Variants in PLEC observed in about 807,000 individuals in gnomAD.
The protein encoded by PLEC is plectin, also known as hemidesmosomal protein 1.
PLEC carries 216 observed loss-of-function variants against 392.8 expected under a neutral mutation model. The ratio of observed to expected loss-of-function variants is 0.55; its 90% CI spans 0.49 to 0.62. PLEC has a LOEUF of 0.62. Among genes scored for constraint, PLEC ranks in the 20% least tolerant of loss-of-function variants. PLEC has a pLI of 0.00. For missense variants in PLEC, 6,863 were observed against 6,563.4 expected, an observed-to-expected ratio of 1.05 and a Z score of -1.58; for synonymous variants, 3,621 against 2,980.6, an observed-to-expected ratio of 1.21 and a Z score of -7.00.
At chr8:143,935,402 T>C in intron 6 of PLEC, 89 bp from the exon 7 acceptor site, 1 of 871,134 alleles carries the variant, frequency 1.1e-6, no homozygotes, top group Non-Finnish European at 1.9e-6. Context: ...TCCTCACACA[T>C]CCCAGCAACC....
chr8:143,946,321 C>T, intron 1 of PLEC: 1 of 1,286,640 alleles, frequency 7.8e-7, no homozygotes, highest in Non-Finnish European at 1.0e-6. Context: ...TCCTCTGCCT[C>T]CCACAGCCCC....
At chr8:143,956,900 A>T (rs1355332724), upstream of PLEC, among the ~76,000 whole-genome samples, 1 of 152,242 alleles carries the variant, frequency 6.6e-6, no homozygotes. Flanking sequence ...CACGTCAGTC[A>T]GCTCTGTGGT....
upstream of PLEC, among the ~76,000 whole-genome samples, chr8:143,955,811 G>C (rs1832557148): frequency 6.6e-6 from 1 of 151,766 alleles, no homozygotes; most frequent in African/African-American, 2.4e-5. Context: ...TGTTGCCCAG[G>C]CTGGTCTCAA....
upstream of PLEC, chr8:143,950,980 G>C: frequency 1.7e-6 from 1 of 595,416 alleles, no homozygotes; most frequent in Non-Finnish European, 2.8e-6. Flanking sequence ...TGACTCAGCA[G>C]CATGGGCGGC....
rs541473573 is a variant in PLEC at position 143,929,749 on chromosome 8, G to A, written c.2820C>T (p.Ser940=). ...CGGGTCCGAAGCCGCCCGCGTCCTG[G>A]CTGTCCCGCAGGAAGGCCTGGTAGT... ...ELHYQAFLRD[S]QDAGGFGPED... is the part of the protein sequence containing the mutation. The change falls in exon 23 of 32, where the codon AGC becomes AGT. Residue 940 remains serine (S), a synonymous_variant. Coordinates refer to ENST00000345136, the MANE Select transcript of PLEC (RefSeq NM_201384.3). 1.4e-5 allele frequency: 23 copies of A among 1,599,904 alleles called. 1 individual carries two copies. In the South Asian group the frequency reaches 2.4e-4, roughly 17 times the overall value.
rs1554678927 is a variant in PLEC at position 143,919,653 on chromosome 8, C to T, written c.10168G>A (p.Glu3390Lys). ...LRATTAALLL[E>K]AQAATGFLVD... is the part of the protein sequence containing the mutation. Reference sequence around the variant, plus strand: ...AGGAAGCCAGTGGCCGCCTGCGCCTCCAGCAGGAGCGCAGCCGTTGTGGCT... The same window carrying T: ...AGGAAGCCAGTGGCCGCCTGCGCCTTCAGCAGGAGCGCAGCCGTTGTGGCT... The change falls in exon 32 of 32, where the codon GAG (glutamate) becomes AAG (lysine). Residue 3390 changes from glutamate to lysine, a missense_variant. Glu to Lys is a moderately conservative substitution (Grantham distance 56). Coordinates refer to ENST00000345136, the MANE Select transcript of PLEC (RefSeq NM_201384.3). 1.3e-6 allele frequency: 2 copies of T among 1,590,472 alleles called. No homozygotes were observed. The highest frequency in any genetic ancestry group is 1.7e-6 in the Non-Finnish European group (2 of 1,170,942).
At chr8:143,961,531 C>T (rs1832873322) in intron 1 of PLEC, among the ~76,000 whole-genome samples, 1 of 152,112 alleles carries the variant, frequency 6.6e-6, no homozygotes, top group Non-Finnish European at 1.5e-5. Flanking sequence ...GCCAGAAATT[C>T]CCTTTTTAAC....
rs1826289569 is a variant in PLEC, at chr8:143,929,201, T to C, written c.3162A>G (p.Pro1054=). The change falls in exon 25 of 32, where the codon CCA becomes CCG. Residue 1054 remains proline, a synonymous_variant. Coordinates refer to ENST00000345136, the MANE Select transcript of PLEC (RefSeq NM_201384.3). Reference sequence around the variant, plus strand: ...GCGTGGGGGCCGCAGGCGATGGCTCTGGTAGGGCCAAGACCTTCTCGGCCT... The same window carrying C: ...GCGTGGGGGCCGCAGGCGATGGCTCCGGTAGGGCCAAGACCTTCTCGGCCT... ...SAEAEKVLAL[P]EPSPAAPTLR... The C allele has an allele frequency of 1.2e-6, 2 of 1,602,584 alleles. No homozygotes were observed. Among genetic ancestry groups the C allele is most frequent in the African/African-American group, 2.7e-5 (2 of 74,858 alleles).
intron 1 of PLEC, among the ~76,000 whole-genome samples, chr8:143,961,542 A>G (rs1168776743): frequency 7.2e-5 from 11 of 152,150 alleles, no homozygotes; most frequent in Admixed American, 2.0e-4. Context: ...CCTTTTTAAC[A>G]ACAGTCATAG....
chr8:143,952,016 C>T (rs527919921), upstream of PLEC, among the ~76,000 whole-genome samples: 1 of 152,308 alleles, frequency 6.6e-6, no homozygotes, highest in South Asian at 2.1e-4. Flanking sequence ...CCCACCAAGC[C>T]CGGCAAACCC....
In PLEC at chr8:143,927,867, T is replaced by C; in HGVS notation, c.3386A>G (p.Lys1129Arg). The C allele has an allele frequency of 6.3e-7, 1 of 1,591,128 alleles. No homozygotes were observed. The highest frequency in any genetic ancestry group is 8.6e-7 in the Non-Finnish European group (1 of 1,169,420). The stretch of plus-strand genomic sequence containing the variant: ...TCGAAACGATACCTTCAGAGAGGCC[T>C]TGGTGGCCTCGAGCTCCGGGAGGGT... ...PATLPELEAT[K>R]ASLKKLRAQA... The change falls in exon 26 of 32, where the codon AAG becomes AGG. Residue 1129 changes from lysine to arginine, a missense_variant. Physicochemically the swap from Lys to Arg is conservative, Grantham distance 26. Transcript: ENST00000345136.
At chr8:143,953,036 C>G (rs868906661), upstream of PLEC, among the ~76,000 whole-genome samples, 8 of 145,146 alleles carry the variant, frequency 5.5e-5, no homozygotes, top group South Asian at 4.7e-4. Context: ...CACACACCCC[C>G]CCCGAAGCAC....
upstream of PLEC, among the ~76,000 whole-genome samples, chr8:143,953,545 C>A (rs948252489): frequency 1.5e-4 from 23 of 152,106 alleles, 1 homozygote; most frequent in Admixed American, 1.5e-3. Flanking sequence ...CCAGTAGGAC[C>A]CCGAACCAGG....
chr8:143,944,809 G>T lies in PLEC; in HGVS notation c.523+5375C>A, dbSNP rs566330883. 1.5e-5 allele frequency: 13 copies of T among 849,042 alleles called. No homozygotes were observed. The East Asian group carries it at 3.3e-4, about 22-fold the overall frequency. 52.6% of individuals were successfully genotyped at this position (849,042 alleles called of 1,614,324 possible). On this transcript the variant is annotated intron_variant, in intron 1 of 31. Transcript: ENST00000322810. ...CGTGCTGCTGTCAGCAGCAGCTTGT[G>T]GGGGAGGGGAGCAGTGGGCAGGGGC...
chr8:143,919,612 C>A lies in PLEC; in HGVS notation c.10209G>T (p.Arg3403=). ...AATGFLVDPV[R]NQRLYVHEAV... ...CCTCGTGGACATACAGGCGCTGGTT[C>A]CGCACGGGGTCCACCAGGAAGCCAG... The change falls in exon 32 of 32, where the codon CGG becomes CGT. Residue 3403 remains arginine, a synonymous_variant. Transcript: ENST00000345136. The A allele has an allele frequency of 6.3e-7, 1 of 1,586,926 alleles. No homozygotes were observed. The highest frequency in any genetic ancestry group is 8.6e-7 in the Non-Finnish European group (1 of 1,169,542).
chr8:143,931,851 GCTC>G, intron 18 of PLEC, 83 bp downstream of exon 18: 1 of 1,426,344 alleles, frequency 7.0e-7, no homozygotes, highest in East Asian at 2.4e-5. Context: ...AGACAGGAGG[GCTC>G]CTGATTGGAG....
chr8:143,924,336 G>A lies in PLEC; in HGVS notation c.5593C>T (p.Arg1865Cys), dbSNP rs372018272. 56 of 1,596,504 alleles carry A rather than the reference G, an allele frequency of 3.5e-5. No homozygotes were observed. Among genetic ancestry groups the A allele is most frequent in the African/African-American group, 8.0e-5 (6 of 74,810 alleles). The change falls in exon 31 of 32, where the codon CGC becomes TGC. Residue 1865 changes from arginine to cysteine, a missense_variant. Physicochemically the swap from Arg to Cys is radical, Grantham distance 180. Transcript: ENST00000345136. ...ALKEKEAENERLRRLAEDEAF... is the reference protein window; with the variant it reads ...ALKEKEAENECLRRLAEDEAF... Reference sequence around the variant, plus strand: ...TCGTCCTCCGCCAGCCGCCGCAGGCGCTCGTTCTCCGCCTCCTTCTCCTTG... The same window carrying A: ...TCGTCCTCCGCCAGCCGCCGCAGGCACTCGTTCTCCGCCTCCTTCTCCTTG...
upstream of PLEC, among the ~76,000 whole-genome samples, chr8:143,943,489 G>A (rs1051852808): frequency 2.0e-5 from 3 of 152,218 alleles, no homozygotes; most frequent in Non-Finnish European, 2.9e-5. Context: ...CTGCCACGGC[G>A]GCTGCCACAG....
rs1554691975 is a variant in PLEC at position 143,923,347 on chromosome 8, C to A, written c.6582G>T (p.Gln2194His). The A allele has an allele frequency of 2.5e-6, 4 of 1,610,308 alleles. No homozygotes were observed. The highest frequency in any genetic ancestry group is 3.4e-6 in the Non-Finnish European group (4 of 1,179,464). The stretch of plus-strand genomic sequence containing the variant: ...TCTTCTGGTGGTCGGTCTCCTCCAG[C>A]TGCAGCCGCAGTGTTGTCAGCTCCT... ...VEQELTTLRL[Q>H]LEETDHQKNL... The change falls in exon 31 of 32, where the codon CAG becomes CAT. Residue 2194 changes from glutamine to histidine, a missense_variant. Transcript: ENST00000345136.
Sources: allele counts gnomAD v4.1 joint callset (sites outside exome capture counted in the v4.1 genomes callset), GRCh38; gene constraint gnomAD v4.1.1; transcripts MANE v1.5; gene names NCBI Gene and HGNC (gene_info 2026-07-23, HGNC 2026-07-21).